The following MUC7 variants were observed in gnomAD, a reference collection of about 807,000 sequenced individuals.
MUC7 encodes the protein mucin 7, secreted, also known as mucin-7.
In MUC7, 2 loss-of-function variants were observed where a neutral mutation model predicts 2.5. That is an observed-to-expected ratio of 0.81 (90% confidence interval 0.33 to 2.55). The LOEUF (loss-of-function observed/expected upper bound fraction) is 2.55, where lower values mean the gene tolerates loss of function less well. Ranked by LOEUF, MUC7 falls within the 30% of genes most tolerant of loss-of-function variation. MUC7 has a pLI of 0.11. For synonymous variants in MUC7, 133 were observed against 173.4 expected (o/e 0.77, Z 1.83); for missense variants, 408 against 455.6 (o/e 0.90, Z 0.95).
chr4:70,476,626 A>G (rs1735011748), intron 2 of MUC7, among the ~76,000 whole-genome samples: 1 of 152,146 alleles, frequency 6.6e-6, no homozygotes, highest in South Asian at 2.1e-4. Context: ...GTCTCTACTA[A>G]AAATACAAAA....
At chr4:70,452,717 G>A (rs900626182) in intron 1 of MUC7, among the ~76,000 whole-genome samples, 1 of 152,176 alleles carries the variant, frequency 6.6e-6, no homozygotes, top group Non-Finnish European at 1.5e-5. Flanking sequence ...GATATGAGCA[G>A]TGTATACATC....
chr4:70,480,833 G>A lies in MUC7; in HGVS notation c.89G>A (p.Arg30His), dbSNP rs1316927617. Residue 30 changes from arginine to histidine, a missense_variant, in exon 3 of 3, where the codon CGT (arginine) becomes CAT (histidine). By Grantham distance (29) the Arg-to-His change is conservative. Coordinates refer to ENST00000304887, the MANE Select transcript of MUC7 (RefSeq NM_152291.3). ...SEGRERDHEL[R>H]HRRHHHQSPK... ...GGTCGAGAAAGGGATCATGAACTAC[G>A]TCACAGAAGGCATCATCACCAATCA... is the stretch of plus-strand genomic sequence containing the variant. The A allele has an allele frequency of 1.5e-5, 25 of 1,613,762 alleles. No homozygotes were observed. The highest frequency in any genetic ancestry group is 4.5e-5 in the East Asian group (2 of 44,864).
chr4:70,439,243 C>T (rs1008842335), intron 1 of MUC7, among the ~76,000 whole-genome samples: 3 of 152,074 alleles, frequency 2.0e-5, no homozygotes, highest in Admixed American at 2.0e-4. Context: ...AGACAAAAGT[C>T]CACCAAGGAG....
intron 1 of MUC7, among the ~76,000 whole-genome samples, chr4:70,434,966 C>T (rs564458125): frequency 8.0e-4 from 121 of 152,050 alleles, no homozygotes; most frequent in Middle Eastern, 3.4e-3. Context: ...CATTATGTAC[C>T]CAGTAGTCAT....
intron 1 of MUC7, among the ~76,000 whole-genome samples, chr4:70,455,908 G>A (rs536948983): frequency 6.6e-6 from 1 of 152,176 alleles, no homozygotes; most frequent in East Asian, 1.9e-4. Flanking sequence ...CTCTTCTTGT[G>A]CCTCCCTATA....
At chr4:70,476,926 C>G (rs757089783) in intron 2 of MUC7, among the ~76,000 whole-genome samples, 1 of 152,232 alleles carries the variant, frequency 6.6e-6, no homozygotes, top group Non-Finnish European at 1.5e-5. Context: ...TCTGGCTTCT[C>G]TCTTCCAGAT....
chr4:70,475,365 G>T (rs1734966324), intron 2 of MUC7, among the ~76,000 whole-genome samples: 3 of 152,284 alleles, frequency 2.0e-5, no homozygotes, highest in African/African-American at 7.2e-5. Context: ...TCCACATCAA[G>T]ATATCAAGAA....
At chr4:70,473,134 G>T (rs1734885806) in intron 1 of MUC7, among the ~76,000 whole-genome samples, 1 of 151,970 alleles carries the variant, frequency 6.6e-6, no homozygotes. Flanking sequence ...GTCATTTTGG[G>T]ACTTAGAAAA....
chr4:70,435,841 G>A (rs541481263), intron 1 of MUC7, among the ~76,000 whole-genome samples: 15 of 152,246 alleles, frequency 9.9e-5, no homozygotes, highest in African/African-American at 2.4e-4. Context: ...GGTTGGTACC[G>A]GTTTTTCCTC....
chr4:70,476,507 A>G (rs1351334623), intron 2 of MUC7, among the ~76,000 whole-genome samples: 1 of 152,232 alleles, frequency 6.6e-6, no homozygotes, highest in African/African-American at 2.4e-5. Context: ...GTTTCCAAAG[A>G]ACTTGAATAT....
At position 70,481,296 on chromosome 4, in the gene MUC7, T is replaced by A. The variant is rs1292832249; in HGVS notation, c.552T>A (p.Ala184=). 4 of 1,612,262 alleles carry A rather than the reference T, an allele frequency of 2.5e-6. No individual in the cohort carries two copies. Among genetic ancestry groups the A allele is most frequent in the African/African-American group, 1.3e-5 (1 of 74,468 alleles). ...ATTPAPPSSS[A]PPETTAAPPT... ...CACCAGCTCCACCATCTTCCTCAGC[T>A]CCACCAGAGACCACAGCTGCCCCAC... The change falls in exon 3 of 3, where the codon GCT becomes GCA. Residue 184 remains alanine, a synonymous_variant. Coordinates refer to ENST00000304887, the MANE Select transcript of MUC7 (RefSeq NM_152291.3).
chr4:70,472,680 G>T (rs994780695), intron 1 of MUC7, among the ~76,000 whole-genome samples: 2 of 151,996 alleles, frequency 1.3e-5, no homozygotes, highest in Non-Finnish European at 2.9e-5. Context: ...CAATCCTCAG[G>T]ACATTCTTAT....
intron 1 of MUC7, among the ~76,000 whole-genome samples, chr4:70,431,502 G>T (rs1286154779): frequency 1.3e-5 from 2 of 151,968 alleles, no homozygotes; most frequent in Non-Finnish European, 2.9e-5. Flanking sequence ...GGGGGTGGGA[G>T]ATGAATATAC....
chr4:70,473,380 G>T (rs916440871), intron 1 of MUC7, among the ~76,000 whole-genome samples: 4 of 151,794 alleles, frequency 2.6e-5, no homozygotes, highest in African/African-American at 7.3e-5. Flanking sequence ...GGGGGTGCAG[G>T]CTGCAGTGAG....
intron 1 of MUC7, among the ~76,000 whole-genome samples, chr4:70,438,027 G>C (rs1157781137): frequency 5.3e-5 from 8 of 152,164 alleles, no homozygotes; most frequent in Non-Finnish European, 1.2e-4. Flanking sequence ...AATAATGCCT[G>C]TCCAGGCCTG....
chr4:70,436,906 G>A (rs1183405962), intron 1 of MUC7, among the ~76,000 whole-genome samples: 2 of 152,106 alleles, frequency 1.3e-5, no homozygotes, highest in African/African-American at 4.8e-5. Flanking sequence ...TTTTGTTGAT[G>A]TTGATGCTAT....
chr4:70,439,313 G>A (rs1315430012), intron 1 of MUC7, among the ~76,000 whole-genome samples: 1 of 152,170 alleles, frequency 6.6e-6, no homozygotes, highest in East Asian at 1.9e-4. Context: ...AATAAGGTAC[G>A]AGCTGGTTCC....
At chr4:70,437,210 C>G (rs80312017) in intron 1 of MUC7, among the ~76,000 whole-genome samples, 21,856 of 152,148 alleles carry the variant, frequency 0.14, 1,650 homozygotes, top group Middle Eastern at 0.22. Flanking sequence ...GAATGCCGTG[C>G]TGGAAGAACC....
intron 1 of MUC7, among the ~76,000 whole-genome samples, chr4:70,473,641 C>CCCCA (rs1734906221): frequency 6.6e-6 from 1 of 152,054 alleles, no homozygotes; most frequent in African/African-American, 2.4e-5. Flanking sequence ...TATGATGGTT[C>CCCCA]CCCACAGAGG....
Sources: gnomAD v4.1 joint callset for allele counts (sites outside exome capture counted in the v4.1 genomes callset) on GRCh38, gnomAD v4.1.1 for gene constraint, MANE v1.5 for transcripts, NCBI Gene and HGNC (gene_info 2026-07-23, HGNC 2026-07-21) for gene names.